REEP2: variants seen among roughly 807,000 people sequenced by gnomAD.
REEP2 encodes receptor expression-enhancing protein 2.
A neutral mutation model predicts 32.1 loss-of-function variants in REEP2; 9 were observed. The ratio of observed to expected loss-of-function variants is 0.28; its 90% CI spans 0.17 to 0.49. REEP2 has a LOEUF of 0.49. Among genes scored for constraint, REEP2 ranks in the 20% least tolerant of loss-of-function variants. The pLI is 0.99. For missense variants in REEP2, 236 were observed against 338.0 expected (o/e 0.70, Z 2.37); for synonymous variants, 128 against 139.1 (o/e 0.92, Z 0.56).
Position 138,439,098 on chromosome 5 carries a change from G to T in REEP2, c.-111G>T, listed in dbSNP as rs1362493237. On this transcript the variant is annotated 5_prime_UTR_variant, in exon 1 of 8. Coordinates refer to ENST00000378339, the MANE Select transcript of REEP2 (RefSeq NM_001271803.2). ...CTGCCCCCGCGGCGGCTGCTGCAGCGGCTGCTGCTGCTACTGCGGCTCCTG... is the reference window on the plus strand; with the variant it reads ...CTGCCCCCGCGGCGGCTGCTGCAGCTGCTGCTGCTGCTACTGCGGCTCCTG... 3.9e-5 allele frequency: 18 copies of T among 456,844 alleles called. No individual in the cohort carries two copies. The highest frequency in any genetic ancestry group is 5.4e-5 in the Non-Finnish European group (17 of 315,506). 28.3% of individuals were successfully genotyped at this position (456,844 alleles called of 1,614,324 possible).
chr5:138,441,540 T>G lies in REEP2; in HGVS notation c.182+79T>G. 4 of 1,278,224 alleles carry G rather than the reference T, an allele frequency of 3.1e-6. No homozygotes were observed. Among genetic ancestry groups the G allele is most frequent in the Non-Finnish European group, 4.6e-6 (4 of 877,734 alleles). The allele number at this position is 1,278,224 out of a possible 1,614,324, so 79.2% of individuals were successfully genotyped here. On this transcript the variant is annotated intron_variant, in intron 3 of 7. Transcript: ENST00000378339. This position sits in a 1 kb window ranked among gnomAD's most constrained non-coding sequence, Gnocchi z 4.4. The stretch of plus-strand genomic sequence containing the variant: ...CTACCCAGCCAGCCAAACAAAAGAC[T>G]GGGCCTGGGGGTGAAGCTCCTCCCA...
intron 1 of REEP2, among the ~76,000 whole-genome samples, 184 bp downstream of exon 1, chr5:138,439,424 G>A (rs1318255067): frequency 6.6e-6 from 1 of 152,142 alleles, no homozygotes; most frequent in Non-Finnish European, 1.5e-5. Context: ...TTAGGGGAGC[G>A]TGGCAGGCCT....
In REEP2 at chr5:138,444,505, C is replaced by T. The variant is rs778431898; in HGVS notation, c.273C>T (p.Phe91=). Residue 91 remains phenylalanine, a synonymous_variant, in exon 4 of 8, where the codon TTC becomes TTT. Transcript: ENST00000378339. ...TKGSSVLYRK[F]VHPTLSNKEK... is the part of the protein sequence containing the mutation. Reference sequence around the variant, plus strand: ...GCTCCAGCGTGCTCTACCGCAAGTTCGTGCACCCAACGCTGTCCAACAAGG... The same window carrying T: ...GCTCCAGCGTGCTCTACCGCAAGTTTGTGCACCCAACGCTGTCCAACAAGG... 31 of 1,614,074 alleles carry T rather than the reference C, an allele frequency of 1.9e-5. No homozygotes were observed. The highest frequency in any genetic ancestry group is 2.5e-5 in the Non-Finnish European group (30 of 1,179,984).
chr5:138,442,499 T>G (rs1415513786), intron 3 of REEP2, among the ~76,000 whole-genome samples: 1 of 151,188 alleles, frequency 6.6e-6, no homozygotes, highest in Non-Finnish European at 1.5e-5. Flanking sequence ...GATCACGAGG[T>G]CAGGAGATCG....
At position 138,439,144 on chromosome 5, in the gene REEP2, C is replaced by T. The variant is rs1763773000; in HGVS notation, c.-65C>T. On this transcript the variant is annotated 5_prime_UTR_variant, in exon 1 of 8. Coordinates refer to ENST00000378339, the MANE Select transcript of REEP2 (RefSeq NM_001271803.2). ...TCCTGCTGCCGCCGCCGCCGCCGCT[C>T]GGCCTCAGGCAGCTGCATCCTCGGC... 9.0e-7 allele frequency: 1 copy of T among 1,111,478 alleles called. No individual in the cohort carries two copies. The highest frequency in any genetic ancestry group is 4.0e-5 in the South Asian group (1 of 24,940). 68.9% of individuals were successfully genotyped at this position (1,111,478 alleles called of 1,614,324 possible). A position where few individuals can be genotyped will look rare whatever the true frequency, so the allele number is the denominator to read the frequency against.
At position 138,441,926 on chromosome 5, in the gene REEP2, CA is replaced by C. The variant is rs879934443; in HGVS notation, c.182+475del. On this transcript the variant is annotated intron_variant, in intron 3 of 7. Coordinates refer to ENST00000378339, the MANE Select transcript of REEP2 (RefSeq NM_001271803.2). This position sits in a 1 kb window ranked among gnomAD's most constrained non-coding sequence, Gnocchi z 4.4. ...TGGGCAACAGAGTGAGACTCCGTCT[CA>C]AAAAAAAAACAAACAAACAAGGAGT... 9.0e-5 allele frequency among the ~76,000 whole-genome samples: 13 copies of C among 145,204 alleles called. No homozygotes were observed. The highest frequency in any genetic ancestry group is 2.3e-4 in the African/African-American group (9 of 39,540).
chr5:138,443,082 G>A (rs1260645777), intron 3 of REEP2, among the ~76,000 whole-genome samples: 1 of 151,776 alleles, frequency 6.6e-6, no homozygotes, highest in Non-Finnish European at 1.5e-5. Context: ...TGTAATCCTG[G>A]CACTTTGGGA....
rs1763886712 is a variant in REEP2, at chr5:138,444,493, C to T, written c.261C>T (p.Leu87=). 6.2e-7 allele frequency: 1 copy of T among 1,614,154 alleles called. No individual in the cohort carries two copies. The highest frequency in any genetic ancestry group is 8.5e-7 in the Non-Finnish European group (1 of 1,180,006). The change falls in exon 4 of 8, where the codon CTC becomes CTT. Residue 87 remains leucine (L), a synonymous_variant. Transcript: ENST00000378339. ...LSPYTKGSSV[L]YRKFVHPTLS... is the part of the protein sequence containing the mutation. ...CTTACACCAAGGGCTCCAGCGTGCT[C>T]TACCGCAAGTTCGTGCACCCAACGC...
chr5:138,439,909 G>C (rs970141373), intron 1 of REEP2: 1 of 383,204 alleles, frequency 2.6e-6, no homozygotes, highest in South Asian at 1.9e-5. Context: ...TTCATTCCAG[G>C]CTGCCAGCCA....
At position 138,439,208 on chromosome 5, in the gene REEP2, C is replaced by A; in HGVS notation, c.-1C>A. The A allele has an allele frequency of 7.2e-7, 1 of 1,382,692 alleles. No individual in the cohort carries two copies. The highest frequency in any genetic ancestry group is 9.4e-7 in the Non-Finnish European group (1 of 1,068,556). The allele number at this position is 1,382,692 out of a possible 1,614,324, so 85.7% of individuals were successfully genotyped here. On this transcript the variant is annotated 5_prime_UTR_variant, in exon 1 of 8. Transcript: ENST00000378339. ...CGCCCCGCGCCGCGCCCGGCCCCGC[C>A]ATGGTGTCCTGGATCATCTCTCGCC...
At position 138,441,059 on chromosome 5, in the gene REEP2, G is replaced by A. The variant is rs1446266167; in HGVS notation, c.76G>A (p.Ala26Thr). The A allele has an allele frequency of 6.2e-7, 1 of 1,613,736 alleles. No homozygotes were observed. The highest frequency in any genetic ancestry group is 1.7e-5 in the Admixed American group (1 of 60,020). The change falls in exon 2 of 8, where the codon GCC (alanine) becomes ACC (threonine). Residue 26 changes from alanine (A) to threonine (T), a missense_variant. Transcript: ENST00000378339. The surrounding 1 kb of genome is among the most constrained non-coding windows in gnomAD (Gnocchi z 4.4). ...TLYPAYSSYK[A>T]VKTKNVKEYV... ...GTACCCAGCCTATTCTTCCTACAAG[G>A]CCGTGAAGACAAAAAACGTGAAGGA...
chr5:138,444,724 C>T lies in REEP2; in HGVS notation c.304-30C>T, dbSNP rs764361818. ...TGAACAAGGGTAGGGCAGGACCTCT[C>T]CTCTTCTCCCTTCCCCTCCAATCCC... On this transcript the variant is annotated intron_variant, in intron 4 of 7. Coordinates refer to ENST00000378339, the MANE Select transcript of REEP2 (RefSeq NM_001271803.2). 22 of 1,602,986 alleles carry T rather than the reference C, an allele frequency of 1.4e-5. No homozygotes were observed. The East Asian group carries it at 2.9e-4, about 21-fold the overall frequency.
chr5:138,441,240 A>G lies in REEP2; in HGVS notation c.106-145A>G. The stretch of plus-strand genomic sequence containing the variant: ...AAGGAGGGCCCTGGGTGTCCCACAC[A>G]GCGCCTCCAACATGGCTGGCAGGCA... On this transcript the variant is annotated intron_variant, in intron 2 of 7. Transcript: ENST00000378339. The surrounding 1 kb of genome is among the most constrained non-coding windows in gnomAD (Gnocchi z 4.4). 1 of 1,295,040 alleles carries G rather than the reference A, an allele frequency of 7.7e-7. No individual in the cohort carries two copies. Among genetic ancestry groups the G allele is most frequent in the Non-Finnish European group, 1.1e-6 (1 of 903,478 alleles). 80.2% of individuals were successfully genotyped at this position (1,295,040 alleles called of 1,614,324 possible).
intron 3 of REEP2, 48 bp from the exon 4 acceptor site, chr5:138,444,367 C>A (rs774994018): frequency 6.3e-7 from 1 of 1,594,968 alleles, no homozygotes; most frequent in Non-Finnish European, 8.6e-7. Flanking sequence ...ACACAGGGCA[C>A]CTCCCAACTC....
Position 138,444,847 on chromosome 5 carries a change from G to A in REEP2, c.397G>A (p.Ala133Thr). The A allele has an allele frequency of 6.2e-7, 1 of 1,613,092 alleles. No individual in the cohort carries two copies. Residue 133 changes from alanine (A) to threonine (T), a missense_variant, in exon 5 of 8, where the codon GCA (alanine) becomes ACA (threonine). Ala to Thr is a moderately conservative substitution (Grantham distance 58). Transcript: ENST00000378339. ...KRGLNLAANA[A>T]VTAAAKGQGV... The stretch of plus-strand genomic sequence containing the variant: ...GGGCCTGAACCTTGCCGCCAATGCT[G>A]CAGTCACAGCTGCCGCCAAGGTGAG...
intron 3 of REEP2, chr5:138,443,541 G>A (rs1486182156): frequency 6.6e-6 from 1 of 151,454 alleles, no homozygotes; most frequent in Non-Finnish European, 1.5e-5. Context: ...AAATATAGAT[G>A]CCTTTTTTTT....
Position 138,441,317 on chromosome 5 carries a change from G to T in REEP2, c.106-68G>T. On this transcript the variant is annotated intron_variant, in intron 2 of 7. Transcript: ENST00000378339. The surrounding 1 kb of genome is among the most constrained non-coding windows in gnomAD (Gnocchi z 4.4). Reference sequence around the variant, plus strand: ...AGCCCAGGCATGTTCAACAGGCAGAGCTGGGGTCCTGGGTGTCCCTGGCCC... The same window carrying T: ...AGCCCAGGCATGTTCAACAGGCAGATCTGGGGTCCTGGGTGTCCCTGGCCC... 1 of 1,445,634 alleles carries T rather than the reference G, an allele frequency of 6.9e-7. No homozygotes were observed. Among genetic ancestry groups the T allele is most frequent in the Non-Finnish European group, 9.7e-7 (1 of 1,026,722 alleles). 89.6% of individuals were successfully genotyped at this position (1,445,634 alleles called of 1,614,324 possible).
At chr5:138,442,009 A>G (rs1763835445) in intron 3 of REEP2, among the ~76,000 whole-genome samples, 1 of 152,190 alleles carries the variant, frequency 6.6e-6, no homozygotes, top group South Asian at 2.1e-4. Context: ...CCCTCAGTGG[A>G]ATTCAGGAAA....
intron 1 of REEP2, among the ~76,000 whole-genome samples, chr5:138,440,421 C>G (rs1763802019): frequency 6.6e-6 from 1 of 152,216 alleles, no homozygotes; most frequent in African/African-American, 2.4e-5. Flanking sequence ...GCATTCTGTA[C>G]TTGGATCACC....
Sources: allele counts gnomAD v4.1 joint callset (sites outside exome capture counted in the v4.1 genomes callset), GRCh38; gene constraint gnomAD v4.1.1; non-coding constraint Gnocchi (gnomAD v3.1); transcripts MANE v1.5; gene names NCBI Gene and HGNC (gene_info 2026-07-23, HGNC 2026-07-21).